Variants in ARHGAP42 observed in about 807,000 individuals in gnomAD.
ARHGAP42 encodes Rho GTPase activating protein 42, also known as rho GTPase-activating protein 42.
In ARHGAP42, 63 loss-of-function variants were observed where a neutral mutation model predicts 125.0. The ratio of observed to expected loss-of-function variants is 0.50; its 90% CI spans 0.41 to 0.62. The LOEUF is 0.62. ARHGAP42 is among the 20% of genes least tolerant of loss of function. The probability of loss-of-function intolerance (pLI) is 0.00; values close to 1 mark genes in which losing one functional copy is unlikely to be tolerated. For missense variants in ARHGAP42, 766 were observed against 1,024.2 expected (o/e 0.75, Z 3.44); for synonymous variants, 339 against 351.0 (o/e 0.97, Z 0.38).
Position 100,693,959 on chromosome 11 carries a change from G to A in ARHGAP42, c.154+6127G>A, listed in dbSNP as rs139519918. ...TTCTTTCTTTTTTTTTTTTGATGGA[G>A]TCTCGCTCTGTTGCCAGGCTGGAGT... On this transcript the variant is annotated intron_variant, in intron 1 of 23. Transcript: ENST00000298815. 6.1e-3 allele frequency among the ~76,000 whole-genome samples: 928 copies of A among 150,938 alleles called. 16 individuals are homozygous for A. Among genetic ancestry groups the A allele is most frequent in the Admixed American group, 0.026 (399 of 15,150 alleles).
intron 1 of ARHGAP42, among the ~76,000 whole-genome samples, chr11:100,696,025 A>C (rs1248796098): frequency 6.6e-6 from 1 of 152,138 alleles, no homozygotes; most frequent in African/African-American, 2.4e-5. Flanking sequence ...CGAGTTGGAG[A>C]CCAGCCTGGG....
chr11:100,917,313 A>C (rs986280485), intron 5 of ARHGAP42, among the ~76,000 whole-genome samples: 1 of 152,012 alleles, frequency 6.6e-6, no homozygotes, highest in Non-Finnish European at 1.5e-5. Context: ...TAATATCTCT[A>C]TTCTTATCCT....
At chr11:100,829,734 CTTG>C (rs1447100735) in intron 3 of ARHGAP42, among the ~76,000 whole-genome samples, 1 of 152,164 alleles carries the variant, frequency 6.6e-6, no homozygotes, top group African/African-American at 2.4e-5. Context: ...TATTTTCCCC[CTTG>C]TTGTCTGATT....
In ARHGAP42 at chr11:100,976,449, T is replaced by TG; in HGVS notation, c.2236+14dup. 6.6e-7 allele frequency: 1 copy of TG among 1,504,096 alleles called. No individual in the cohort carries two copies. The highest frequency in any genetic ancestry group is 8.9e-7 in the Non-Finnish European group (1 of 1,128,762). 93.2% of individuals were successfully genotyped at this position (1,504,096 alleles called of 1,614,324 possible). ...CTCTGCAGCTGAAGGTAAGGCAGAG[T>TG]GGAACTTGTGCAAGATGTCATTGTC... On this transcript the variant is annotated intron_variant, in intron 20 of 23. Coordinates refer to ENST00000298815, the MANE Select transcript of ARHGAP42 (RefSeq NM_152432.4).
chr11:100,952,970 T>G (rs1282765210), intron 12 of ARHGAP42, among the ~76,000 whole-genome samples: 4 of 152,024 alleles, frequency 2.6e-5, no homozygotes, highest in African/African-American at 7.2e-5. Flanking sequence ...CCTGTCGAAC[T>G]CCTCGGGTAA....
At chr11:100,731,677 A>C (rs1441084307) in intron 1 of ARHGAP42, among the ~76,000 whole-genome samples, 1 of 152,162 alleles carries the variant, frequency 6.6e-6, no homozygotes, top group Admixed American at 6.5e-5. Context: ...TGCTGAGTGC[A>C]CTGGGTAAGC....
At chr11:100,806,381 G>C (rs1222506016) in intron 3 of ARHGAP42, among the ~76,000 whole-genome samples, 1 of 152,144 alleles carries the variant, frequency 6.6e-6, no homozygotes, top group African/African-American at 2.4e-5. Flanking sequence ...TTAAGTTTCT[G>C]GCTTTGGTGC....
intron 1 of ARHGAP42, among the ~76,000 whole-genome samples, chr11:100,690,660 G>C (rs557030874): frequency 7.6e-4 from 115 of 152,042 alleles, no homozygotes; most frequent in Non-Finnish European, 1.1e-3. Flanking sequence ...GCAGTGGTGC[G>C]ATCTCGGCTC....
chr11:100,897,098 T>G (rs1257808138), intron 4 of ARHGAP42, among the ~76,000 whole-genome samples: 1 of 152,222 alleles, frequency 6.6e-6, no homozygotes, highest in African/African-American at 2.4e-5. Flanking sequence ...AAATAGGGAA[T>G]CCTTTCCCCA....
At chr11:100,846,259 G>A (rs1405915053) in intron 3 of ARHGAP42, among the ~76,000 whole-genome samples, 3 of 152,104 alleles carry the variant, frequency 2.0e-5, no homozygotes, top group Non-Finnish European at 4.4e-5. Flanking sequence ...AAGAGACAAA[G>A]GGTATCTTCA....
chr11:100,837,135 A>G (rs1206623088), intron 3 of ARHGAP42, among the ~76,000 whole-genome samples: 1 of 152,098 alleles, frequency 6.6e-6, no homozygotes, highest in Non-Finnish European at 1.5e-5. Flanking sequence ...ATTTTGCCAA[A>G]TTTGCTTTAC....
intron 4 of ARHGAP42, among the ~76,000 whole-genome samples, chr11:100,904,140 A>G (rs1445422444): frequency 6.6e-6 from 1 of 151,950 alleles, no homozygotes; most frequent in Non-Finnish European, 1.5e-5. Flanking sequence ...AGTATTAACC[A>G]TCTCAGATGC....
At position 100,992,425 on chromosome 11, in the gene ARHGAP42, C is replaced by T. The variant is rs201854990; in HGVS notation, c.*3624C>T. On this transcript the variant is annotated 3_prime_UTR_variant, in exon 24 of 24. Transcript: ENST00000298815. Reference sequence around the variant, plus strand: ...CTTTCCCCTTGACTAAAGGTTTCCCCTTAGGGTACACATTGCTATTTAACT... The same window carrying T: ...CTTTCCCCTTGACTAAAGGTTTCCCTTTAGGGTACACATTGCTATTTAACT... 104 of 1,614,116 alleles carry T rather than the reference C, an allele frequency of 6.4e-5. No individual in the cohort carries two copies. The East Asian group carries it at 1.8e-3, about 28-fold the overall frequency.
rs1050042564 is a variant in ARHGAP42 at position 100,687,905 on chromosome 11, G to A, written c.154+73G>A. On this transcript the variant is annotated intron_variant, in intron 1 of 23. Transcript: ENST00000298815. ...CGCGGGGTGCGGGTCCGAAGGGTGG[G>A]TTGGAGGAGTCGGAGCTTCTTTTGT... The A allele has an allele frequency of 3.6e-5, 52 of 1,443,302 alleles. No individual in the cohort carries two copies. In the African/African-American group the frequency reaches 6.9e-4, roughly 19 times the overall value. 89.4% of individuals were successfully genotyped at this position (1,443,302 alleles called of 1,614,324 possible).
chr11:100,747,961 T>A (rs1862342661), intron 1 of ARHGAP42, among the ~76,000 whole-genome samples: 1 of 152,122 alleles, frequency 6.6e-6, no homozygotes, highest in South Asian at 2.1e-4. Context: ...ACATTCCTTT[T>A]TACATAAATT....
intron 2 of ARHGAP42, among the ~76,000 whole-genome samples, chr11:100,777,725 A>T (rs1013340080): frequency 6.6e-5 from 10 of 152,134 alleles, no homozygotes; most frequent in African/African-American, 2.4e-4. Context: ...ATCATTAATA[A>T]TTTTTCTTAA....
chr11:100,912,630 A>T (rs571736281), intron 4 of ARHGAP42, among the ~76,000 whole-genome samples: 2 of 152,322 alleles, frequency 1.3e-5, no homozygotes, highest in East Asian at 3.9e-4. Context: ...TACAACATTT[A>T]TAGTAGTAGA....
intron 2 of ARHGAP42, among the ~76,000 whole-genome samples, chr11:100,784,177 T>A (rs1863379106): frequency 6.6e-6 from 1 of 152,126 alleles, no homozygotes. Flanking sequence ...ACTACAGGAA[T>A]GTATAGTAGT....
At chr11:100,811,485 C>T (rs1408396735) in intron 3 of ARHGAP42, among the ~76,000 whole-genome samples, 1 of 149,854 alleles carries the variant, frequency 6.7e-6, no homozygotes, top group East Asian at 2.0e-4. Context: ...TTGCTTCTGC[C>T]TCGAATGTCT....
Sources: gnomAD v4.1 joint callset for allele counts (sites outside exome capture counted in the v4.1 genomes callset) on GRCh38, gnomAD v4.1.1 for gene constraint, MANE v1.5 for transcripts, NCBI Gene and HGNC (gene_info 2026-07-23, HGNC 2026-07-21) for gene names.